NTM: variants seen among roughly 807,000 people sequenced by gnomAD.
The protein encoded by NTM is neurotrimin, also known as IgLON family member 2.
NTM carries 13 observed loss-of-function variants against 42.1 expected under a neutral mutation model. The observed-to-expected ratio is 0.31, with a 90% CI of 0.20 to 0.49. The LOEUF is 0.49. Ranked by LOEUF, NTM falls within the 20% of genes least tolerant of loss-of-function variation. NTM has a pLI of 0.99. For missense variants in NTM, 373 were observed against 452.8 expected, an observed-to-expected ratio of 0.82 and a Z score of 1.60; for synonymous variants, 187 against 179.2, an observed-to-expected ratio of 1.04 and a Z score of -0.35.
intron 1 of NTM, chr11:131,773,989 T>C: frequency 1.0e-6 from 1 of 983,958 alleles, no homozygotes; most frequent in Non-Finnish European, 1.2e-6. Context: ...CTCCAATTCC[T>C]GACATCTTCC....
chr11:131,920,244 G>C (rs1443078775), intron 2 of NTM, among the ~76,000 whole-genome samples: 1 of 152,186 alleles, frequency 6.6e-6, no homozygotes, highest in Non-Finnish European at 1.5e-5. Flanking sequence ...GGGATAACAT[G>C]TGTTGGGGAA....
At chr11:131,737,287 G>T (rs1478897130) in intron 1 of NTM, among the ~76,000 whole-genome samples, 1 of 152,114 alleles carries the variant, frequency 6.6e-6, no homozygotes, top group Admixed American at 6.5e-5. Flanking sequence ...GAATTGGAAG[G>T]GTCGAAGCAG....
intron 1 of NTM, among the ~76,000 whole-genome samples, chr11:131,811,080 A>G (rs1377603442): frequency 3.3e-5 from 5 of 152,202 alleles, no homozygotes; most frequent in Non-Finnish European, 7.3e-5. Context: ...GTGAATTCCA[A>G]TGTGCTTTCC....
At chr11:131,809,758 C>T (rs1428343950) in intron 1 of NTM, among the ~76,000 whole-genome samples, 2 of 152,204 alleles carry the variant, frequency 1.3e-5, no homozygotes, top group East Asian at 3.9e-4. Flanking sequence ...TTCGGCTTCC[C>T]CCTCAGTTCT....
At chr11:132,325,268 T>A (rs1375693390) in intron 7 of NTM, among the ~76,000 whole-genome samples, 1 of 149,826 alleles carries the variant, frequency 6.7e-6, no homozygotes, top group Non-Finnish European at 1.5e-5. Flanking sequence ...CGCAACCTAC[T>A]CATCTGACAA....
At chr11:132,175,310 A>T (rs749642102) in intron 3 of NTM, among the ~76,000 whole-genome samples, 1 of 151,910 alleles carries the variant, frequency 6.6e-6, no homozygotes, top group Non-Finnish European at 1.5e-5. Flanking sequence ...CTCATGGTCC[A>T]CCCACACCAT....
At chr11:131,941,049 T>C (rs1409953107) in intron 2 of NTM, among the ~76,000 whole-genome samples, 2 of 151,888 alleles carry the variant, frequency 1.3e-5, no homozygotes, top group Non-Finnish European at 2.9e-5. Flanking sequence ...CGTGGAGGGG[T>C]TAAAGGGGAG....
At chr11:131,782,278 G>A (rs2136018216) in intron 1 of NTM, among the ~76,000 whole-genome samples, 1 of 151,502 alleles carries the variant, frequency 6.6e-6, no homozygotes, top group Middle Eastern at 3.4e-3. Context: ...GTCAACAAAT[G>A]TCAAATTAGA....
chr11:131,659,767 G>C lies in NTM; in HGVS notation c.83-251797G>C, dbSNP rs558696230. On this transcript the variant is annotated intron_variant, in intron 1 of 8. Transcript: ENST00000683400. ...GAGCATCTTGGTTGGAAATCTCTTT[G>C]GGGGATGCAGCAACAGAATCGGGGG... Among the ~76,000 whole-genome samples the C allele has an allele frequency of 1.0e-3, 156 of 152,284 alleles. No individual in the cohort carries two copies. In the South Asian group the frequency reaches 0.014, roughly 13 times the overall value.
chr11:131,853,765 G>A (rs982440507), intron 1 of NTM, among the ~76,000 whole-genome samples: 2 of 152,058 alleles, frequency 1.3e-5, no homozygotes, highest in Non-Finnish European at 2.9e-5. Context: ...GCCAGTAATG[G>A]GATTGCTGGA....
intron 4 of NTM, chr11:132,285,050 C>CA (rs2139903718): frequency 6.6e-6 from 1 of 152,500 alleles, no homozygotes; most frequent in Non-Finnish European, 1.5e-5. Flanking sequence ...GCAGAAAGAG[C>CA]AGTGTGAGGA....
At chr11:132,194,657 G>A (rs1161653928) in intron 3 of NTM, among the ~76,000 whole-genome samples, 5 of 151,976 alleles carry the variant, frequency 3.3e-5, no homozygotes, top group South Asian at 2.1e-4. Context: ...CATCCAAATA[G>A]GAAGGTAGGA....
intron 3 of NTM, among the ~76,000 whole-genome samples, chr11:132,147,214 TGAGA>T (rs113704092): frequency 0.023 from 2,874 of 122,724 alleles, 109 homozygotes; most frequent in African/African-American, 0.078. Flanking sequence ...TGTGTGTGTG[TGAGA>T]GAGAGAGAGA....
At chr11:131,375,809 G>GTA (rs1022483231) in intron 1 of NTM, among the ~76,000 whole-genome samples, 9 of 152,016 alleles carry the variant, frequency 5.9e-5, no homozygotes, top group Non-Finnish European at 1.0e-4. Flanking sequence ...ATGTATGTAT[G>GTA]TATGTCTTTA....
chr11:132,205,007 T>A (rs779313379), intron 3 of NTM, among the ~76,000 whole-genome samples: 3 of 152,178 alleles, frequency 2.0e-5, no homozygotes, highest in Admixed American at 6.5e-5. Flanking sequence ...CTGCACGTGG[T>A]CTGGAAGCCA....
At chr11:131,689,964 T>C (rs2074443898) in intron 1 of NTM, among the ~76,000 whole-genome samples, 1 of 152,216 alleles carries the variant, frequency 6.6e-6, no homozygotes. Context: ...GGGATAACCC[T>C]ATGCTGTTGT....
At chr11:131,911,384 T>A in intron 1 of NTM, 180 bp from the exon 2 acceptor site, 1 of 1,578,782 alleles carries the variant, frequency 6.3e-7, no homozygotes, top group Non-Finnish European at 8.6e-7. Context: ...CACCGCTCAG[T>A]CCCCGCGCTC....
chr11:132,056,127 A>G (rs1664119190), intron 2 of NTM, among the ~76,000 whole-genome samples: 1 of 152,262 alleles, frequency 6.6e-6, no homozygotes. Flanking sequence ...TGGAAATGAT[A>G]AACTCCTCCC....
chr11:131,483,362 C>A (rs1043669496), intron 1 of NTM, among the ~76,000 whole-genome samples: 10 of 152,216 alleles, frequency 6.6e-5, no homozygotes, highest in African/African-American at 2.4e-4. Flanking sequence ...TCAATCCTCA[C>A]ATCAAGTCTC....
Sources: gnomAD v4.1 joint callset for allele counts (sites outside exome capture counted in the v4.1 genomes callset) on GRCh38, gnomAD v4.1.1 for gene constraint, MANE v1.5 for transcripts, NCBI Gene and HGNC (gene_info 2026-07-23, HGNC 2026-07-21) for gene names.